TMPRSS9: variants seen among roughly 807,000 people sequenced by gnomAD.
TMPRSS9 encodes the protein transmembrane serine protease 9, also known as transmembrane protease serine 9.
A neutral mutation model predicts 111.4 loss-of-function variants in TMPRSS9; 113 were observed. The ratio of observed to expected loss-of-function variants is 1.01; its 90% CI spans 0.87 to 1.19. The LOEUF is 1.19. Ranked by LOEUF, TMPRSS9 falls within the 50% of genes most tolerant of loss-of-function variation. TMPRSS9 has a pLI of 0.00. For synonymous variants in TMPRSS9, 805 were observed against 659.1 expected (o/e 1.22, Z -3.39); for missense variants, 1,803 against 1,513.1 (o/e 1.19, Z -3.18).
chr19:2,399,436 C>A (rs533553114), intron 4 of TMPRSS9, among the ~76,000 whole-genome samples: 1 of 152,088 alleles, frequency 6.6e-6, no homozygotes, highest in Non-Finnish European at 1.5e-5. Context: ...ATCAGTTGGG[C>A]GTGGTGGTGT....
intron 4 of TMPRSS9, among the ~76,000 whole-genome samples, chr19:2,401,146 C>A (rs542815546): frequency 7.2e-5 from 11 of 151,910 alleles, no homozygotes; most frequent in Non-Finnish European, 1.0e-4. Flanking sequence ...TGGTGGCGGG[C>A]GCCTGTAGTC....
At chr19:2,369,331 G>A (rs1192378891) in intron 1 of TMPRSS9, among the ~76,000 whole-genome samples, 1 of 152,184 alleles carries the variant, frequency 6.6e-6, no homozygotes, top group African/African-American at 2.4e-5. Flanking sequence ...TGTGGGAGGA[G>A]CAGGCATTTT....
intron 1 of TMPRSS9, among the ~76,000 whole-genome samples, chr19:2,373,472 C>G (rs1454618229): frequency 6.6e-6 from 1 of 152,172 alleles, no homozygotes; most frequent in East Asian, 1.9e-4. Context: ...TCAAGGGATC[C>G]TCCCACTTTG....
chr19:2,404,650 G>C (rs1326555076), intron 6 of TMPRSS9, among the ~76,000 whole-genome samples: 1 of 152,034 alleles, frequency 6.6e-6, no homozygotes, highest in African/African-American at 2.4e-5. Context: ...TCAAGACTAG[G>C]CCTGATGCCG....
At chr19:2,376,414 T>C (rs1212409546) in intron 1 of TMPRSS9, among the ~76,000 whole-genome samples, 2 of 152,114 alleles carry the variant, frequency 1.3e-5, no homozygotes, top group East Asian at 1.9e-4. Flanking sequence ...GACCTGGATG[T>C]CAGAGTTATT....
chr19:2,363,319 C>T (rs1467071674), intron 1 of TMPRSS9, among the ~76,000 whole-genome samples: 2 of 152,094 alleles, frequency 1.3e-5, no homozygotes, highest in South Asian at 2.1e-4. Flanking sequence ...GGACTCTGTC[C>T]GCGGGGCGAG....
intron 6 of TMPRSS9, 118 bp downstream of exon 7, chr19:2,403,313 G>A: frequency 6.0e-6 from 5 of 834,796 alleles, no homozygotes; most frequent in Non-Finnish European, 9.6e-6. Context: ...GGCATTTATG[G>A]GGGCTGGGCA....
At chr19:2,385,437 G>T (rs1313141868), upstream of TMPRSS9, among the ~76,000 whole-genome samples, 3 of 152,160 alleles carry the variant, frequency 2.0e-5, no homozygotes, top group Non-Finnish European at 4.4e-5. Context: ...TGAACGTTGC[G>T]GTGTTGCCGT....
chr19:2,379,830 C>T (rs1970372780), intron 1 of TMPRSS9, among the ~76,000 whole-genome samples: 1 of 151,476 alleles, frequency 6.6e-6, no homozygotes, highest in Non-Finnish European at 1.5e-5. Flanking sequence ...AATCACACCT[C>T]ACTGTAGTCT....
intron 1 of TMPRSS9, among the ~76,000 whole-genome samples, chr19:2,382,030 C>CG (rs1295702772): frequency 1.3e-5 from 2 of 151,926 alleles, no homozygotes; most frequent in African/African-American, 4.8e-5. Flanking sequence ...TTAGTAGAGA[C>CG]GGGGTTTCAC....
chr19:2,403,809 C>A (rs187426050), intron 6 of TMPRSS9, among the ~76,000 whole-genome samples: 2 of 151,682 alleles, frequency 1.3e-5, no homozygotes, highest in African/African-American at 4.8e-5. Context: ...GTGGCTAACA[C>A]GGTGAAACCC....
chr19:2,418,312 TCCC>T lies in TMPRSS9; in HGVS notation c.2154+175_2154+177del, dbSNP rs1448437695. The stretch of plus-strand genomic sequence containing the variant: ...CCTCCTTTCCTTCCCTCCCTTTCCC[TCCC>T]TCCCTCCCTCCCTCCCTTTCCTTCC... On this transcript the variant is annotated intron_variant, in intron 13 of 17. Transcript: ENST00000648592. Among the ~76,000 whole-genome samples the T allele has an allele frequency of 1.4e-4, 3 of 21,446 alleles. No individual in the cohort carries two copies. In the African/African-American group the frequency reaches 1.8e-3, roughly 13 times the overall value. 14.1% of individuals were successfully genotyped at this position (21,446 alleles called of 152,430 possible). A position where few individuals can be genotyped will look rare whatever the true frequency, so the allele number is the denominator to read the frequency against.
rs1459050586 is a variant in TMPRSS9, at chr19:2,420,508, C to T, written c.2155-1346C>T. On this transcript the variant is annotated intron_variant, in intron 13 of 17. Coordinates refer to ENST00000648592, the Ensembl canonical transcript of TMPRSS9. ...CTCTCAAAGTTAGATGCCATTATTACTAATCAATACAAAATATCAATGACA... is the reference window on the plus strand; with the variant it reads ...CTCTCAAAGTTAGATGCCATTATTATTAATCAATACAAAATATCAATGACA... Among the ~76,000 whole-genome samples, 4 of 151,032 alleles carry T rather than the reference C, an allele frequency of 2.6e-5. No individual in the cohort carries two copies. The East Asian group carries it at 5.8e-4, about 22-fold the overall frequency.
At chr19:2,379,175 CTTTCTCTTT>C (rs1184463773) in intron 1 of TMPRSS9, among the ~76,000 whole-genome samples, 4 of 124,800 alleles carry the variant, frequency 3.2e-5, no homozygotes, top group African/African-American at 1.3e-4. Context: ...GCCTGAGCTT[CTTTCTCTTT>C]TTTTTTTTTT....
intron 1 of TMPRSS9, among the ~76,000 whole-genome samples, chr19:2,375,413 C>T (rs928957951): frequency 1.4e-5 from 2 of 142,644 alleles, no homozygotes; most frequent in African/African-American, 2.9e-5. Flanking sequence ...GGACCAATCA[C>T]TGATGGGGAT....
chr19:2,367,603 G>A lies in TMPRSS9; in HGVS notation c.-26+7243G>A, dbSNP rs553551359. Among the ~76,000 whole-genome samples the A allele has an allele frequency of 7.9e-5, 11 of 139,318 alleles. No homozygotes were observed. In the South Asian group the frequency reaches 8.9e-4, roughly 11 times the overall value. 91.4% of individuals were successfully genotyped at this position (139,318 alleles called of 152,430 possible). A position where few individuals can be genotyped will look rare whatever the true frequency, so the allele number is the denominator to read the frequency against. On this transcript the variant is annotated intron_variant, in intron 1 of 17. Coordinates refer to the TMPRSS9 transcript ENST00000649857. The stretch of plus-strand genomic sequence containing the variant: ...TTTTGAGAGGGAGTCTTGCTCCGTC[G>A]CCCAGGCTAGAATTCAGTGGCACGA...
chr19:2,391,470 G>A (rs1389513668), intron 1 of TMPRSS9, among the ~76,000 whole-genome samples: 1 of 151,012 alleles, frequency 6.6e-6, no homozygotes, highest in African/African-American at 2.4e-5. Flanking sequence ...TAGGTACCAA[G>A]TACAATACAA....
intron 8 of TMPRSS9, among the ~76,000 whole-genome samples, chr19:2,409,816 G>A (rs1477309347): frequency 1.3e-5 from 2 of 152,124 alleles, no homozygotes; most frequent in African/African-American, 4.8e-5. Context: ...ATGGATTTCA[G>A]TGGGGTGGGA....
chr19:2,364,181 CAAAT>C (rs775377261), intron 1 of TMPRSS9, among the ~76,000 whole-genome samples: 2 of 147,940 alleles, frequency 1.4e-5, no homozygotes, highest in African/African-American at 2.6e-5. Context: ...GACCCTGTCT[CAAAT>C]AAATAAGTGA....
Sources: gnomAD v4.1 joint callset for allele counts (sites outside exome capture counted in the v4.1 genomes callset) on GRCh38, gnomAD v4.1.1 for gene constraint, MANE v1.5 for transcripts, NCBI Gene and HGNC (gene_info 2026-07-23, HGNC 2026-07-21) for gene names.